CYTH1: variants seen among roughly 807,000 people sequenced by gnomAD.
CYTH1 encodes the protein cytohesin-1.
A neutral mutation model predicts 61.8 loss-of-function variants in CYTH1; 18 were observed. The ratio of observed to expected loss-of-function variants is 0.29; its 90% CI spans 0.20 to 0.43. The LOEUF is 0.43. Among genes scored for constraint, CYTH1 ranks in the 20% least tolerant of loss-of-function variants. The pLI is 1.00. For synonymous variants in CYTH1, 174 were observed against 184.3 expected (o/e 0.94, Z 0.45); for missense variants, 336 against 510.5 (o/e 0.66, Z 3.29).
chr17:78,750,851 A>G (rs981270037), intron 1 of CYTH1, among the ~76,000 whole-genome samples: 1 of 152,082 alleles, frequency 6.6e-6, no homozygotes, highest in African/African-American at 2.4e-5. Flanking sequence ...ATTGGAAAAG[A>G]CTAAACCGTT....
At chr17:78,729,247 A>G (rs555645492) in intron 1 of CYTH1, among the ~76,000 whole-genome samples, 4 of 152,198 alleles carry the variant, frequency 2.6e-5, no homozygotes, top group Non-Finnish European at 5.9e-5. Context: ...AGCTGGGACT[A>G]TAAGTATGTG....
chr17:78,693,238 A>G (rs190893271), intron 10 of CYTH1, among the ~76,000 whole-genome samples: 1 of 152,274 alleles, frequency 6.6e-6, no homozygotes, highest in Admixed American at 6.5e-5. Context: ...CAGCTGGCAA[A>G]TACAGCCATG....
At chr17:78,695,381 G>GT (rs1249368571) in intron 10 of CYTH1, among the ~76,000 whole-genome samples, 1 of 152,054 alleles carries the variant, frequency 6.6e-6, no homozygotes. Context: ...GTTTGGACTT[G>GT]TTTTTTTCAC....
chr17:78,738,566 T>G (rs1428090395), intron 1 of CYTH1, among the ~76,000 whole-genome samples: 1 of 152,110 alleles, frequency 6.6e-6, no homozygotes, highest in Non-Finnish European at 1.5e-5. Context: ...GGGCAAAGAC[T>G]TCATCACATT....
At chr17:78,713,509 A>C (rs950408903) in intron 1 of CYTH1, among the ~76,000 whole-genome samples, 8 of 152,220 alleles carry the variant, frequency 5.3e-5, no homozygotes, top group Non-Finnish European at 1.0e-4. Context: ...CCATATAATG[A>C]AGCTGATGAA....
intron 1 of CYTH1, among the ~76,000 whole-genome samples, chr17:78,778,501 G>A (rs557607483): frequency 6.6e-5 from 10 of 151,474 alleles, no homozygotes; most frequent in Non-Finnish European, 1.0e-4. Flanking sequence ...AGCCGGGTGT[G>A]GTGGCAGGTG....
chr17:78,684,813 T>C (rs967156537), intron 11 of CYTH1, among the ~76,000 whole-genome samples: 9 of 152,216 alleles, frequency 5.9e-5, no homozygotes, highest in African/African-American at 2.2e-4. Context: ...AAGCAGAAAC[T>C]GAAGAATTGT....
chr17:78,781,068 G>A (rs1288774148), intron 1 of CYTH1, among the ~76,000 whole-genome samples: 1 of 151,338 alleles, frequency 6.6e-6, no homozygotes, highest in Non-Finnish European at 1.5e-5. Context: ...AATTAGCCGG[G>A]CATGGTGGCG....
intron 1 of CYTH1, among the ~76,000 whole-genome samples, chr17:78,772,594 G>C (rs2093475777): frequency 6.6e-6 from 1 of 152,190 alleles, no homozygotes; most frequent in Non-Finnish European, 1.5e-5. Flanking sequence ...CTGGAGTGCA[G>C]TGGCGCGATC....
At chr17:78,742,689 C>A (rs138561560) in intron 1 of CYTH1, among the ~76,000 whole-genome samples, 5 of 152,008 alleles carry the variant, frequency 3.3e-5, no homozygotes, top group Non-Finnish European at 7.4e-5. Context: ...CCTGTCTCTA[C>A]TAAAAATACA....
rs2093350885 is a variant in CYTH1, at chr17:78,744,009, G to A, written c.23-34277C>T. On this transcript the variant is annotated intron_variant, in intron 1 of 13. Coordinates refer to ENST00000446868, the MANE Select transcript of CYTH1 (RefSeq NM_004762.6). ...CAATCCCCTACCTGGGCTGTGTGGAGTGTAAAACTGACCACCAGTATTTGT... is the reference window on the plus strand; with the variant it reads ...CAATCCCCTACCTGGGCTGTGTGGAATGTAAAACTGACCACCAGTATTTGT... Among the ~76,000 whole-genome samples, 3 of 152,226 alleles carry A rather than the reference G, an allele frequency of 2.0e-5. No individual in the cohort carries two copies. In the South Asian group the frequency reaches 6.2e-4, roughly 32 times the overall value.
At chr17:78,701,616 G>C in intron 6 of CYTH1, 55 bp downstream of exon 6, 2 of 1,522,954 alleles carry the variant, frequency 1.3e-6, no homozygotes, top group East Asian at 4.5e-5. Context: ...ACAGACTCAT[G>C]ATCAAAGGCT....
intron 1 of CYTH1, among the ~76,000 whole-genome samples, chr17:78,713,421 G>T (rs2093153929): frequency 6.6e-6 from 1 of 152,194 alleles, no homozygotes; most frequent in Non-Finnish European, 1.5e-5. Flanking sequence ...ATTGGGATTT[G>T]ATTTTGAAGC....
intron 1 of CYTH1, among the ~76,000 whole-genome samples, chr17:78,770,481 T>C (rs2093466957): frequency 6.6e-6 from 1 of 152,034 alleles, no homozygotes; most frequent in African/African-American, 2.4e-5. Context: ...TGCAGTGGTG[T>C]GACCTCGGCT....
chr17:78,702,243 A>G lies in CYTH1; in HGVS notation c.238-3T>C. The stretch of plus-strand genomic sequence containing the variant: ...TTCTCTATTAAGAACTGGATCCCCT[A>G]GAAAAAGACAACAAAGACGCCAATG... On this transcript the variant is annotated splice_polypyrimidine_tract_variant and splice_region_variant and intron_variant, in intron 4 of 13. Transcript: ENST00000446868. 1 of 1,608,518 alleles carries G rather than the reference A, an allele frequency of 6.2e-7. No individual in the cohort carries two copies. Among genetic ancestry groups the G allele is most frequent in the Non-Finnish European group, 8.5e-7 (1 of 1,175,380 alleles).
At chr17:78,755,657 C>T (rs1230023865) in intron 1 of CYTH1, among the ~76,000 whole-genome samples, 1 of 151,986 alleles carries the variant, frequency 6.6e-6, no homozygotes, top group Non-Finnish European at 1.5e-5. Context: ...AGCAAAAGGA[C>T]ATGAAGCGGC....
chr17:78,735,092 T>C (rs1018205590), intron 1 of CYTH1, among the ~76,000 whole-genome samples: 11 of 152,142 alleles, frequency 7.2e-5, no homozygotes, highest in African/African-American at 2.4e-4. Context: ...GGAAATACCA[T>C]GGGAGGGGGT....
chr17:78,677,464 A>C, intron 13 of CYTH1: 1 of 188,170 alleles, frequency 5.3e-6, no homozygotes, highest in Non-Finnish European at 1.1e-5. Flanking sequence ...CCCCACCTCC[A>C]CCTCCCTGGG....
intron 1 of CYTH1, among the ~76,000 whole-genome samples, chr17:78,746,964 T>G (rs1172289745): frequency 1.3e-5 from 2 of 150,918 alleles, no homozygotes; most frequent in Non-Finnish European, 3.0e-5. Flanking sequence ...ATAATAAAAG[T>G]GTACACTGAT....
Sources: gnomAD v4.1 joint callset for allele counts (sites outside exome capture counted in the v4.1 genomes callset) on GRCh38, gnomAD v4.1.1 for gene constraint, MANE v1.5 for transcripts, NCBI Gene and HGNC (gene_info 2026-07-23, HGNC 2026-07-21) for gene names.